The following ADGRL2 variants were observed in gnomAD, a reference collection of about 807,000 sequenced individuals.
The protein encoded by ADGRL2 is adhesion G protein-coupled receptor L2, also known as calcium-independent alpha-latrotoxin receptor 2.
A neutral mutation model predicts 157.4 loss-of-function variants in ADGRL2; 44 were observed. The observed-to-expected ratio is 0.28, with a 90% CI of 0.22 to 0.36. The LOEUF (loss-of-function observed/expected upper bound fraction) is 0.36, where lower values mean the gene tolerates loss of function less well. Ranked by LOEUF, ADGRL2 falls within the 10% of genes least tolerant of loss-of-function variation. ADGRL2 has a pLI of 1.00. For synonymous variants in ADGRL2, 585 were observed against 624.7 expected (o/e 0.94, Z 0.95); for missense variants, 1,510 against 1,768.9 (o/e 0.85, Z 2.63).
chr1:81,981,050 T>C, intron 18 of ADGRL2: 1 of 432,730 alleles, frequency 2.3e-6, no homozygotes, highest in South Asian at 3.5e-5. Context: ...AATATATAAA[T>C]GCTTTCTTAT....
chr1:81,835,707 C>T (rs892825719), intron 1 of ADGRL2, among the ~76,000 whole-genome samples: 7 of 151,996 alleles, frequency 4.6e-5, no homozygotes, highest in African/African-American at 1.7e-4. Flanking sequence ...CCTCCCTCTC[C>T]CCTGTGTCTT....
At chr1:81,419,747 C>T (rs189068365) in intron 1 of ADGRL2, among the ~76,000 whole-genome samples, 107 of 152,238 alleles carry the variant, frequency 7.0e-4, no homozygotes, top group African/African-American at 2.5e-3. Context: ...AGAAGTCTGA[C>T]CCTGGCTTTG....
chr1:81,668,881 T>C (rs184339974), intron 3 of ADGRL2, among the ~76,000 whole-genome samples: 166 of 152,196 alleles, frequency 1.1e-3, no homozygotes, highest in African/African-American at 3.8e-3. Flanking sequence ...ACCTGCTTGT[T>C]TTAACTAAGA....
At chr1:81,553,770 C>G (rs925118793) in intron 2 of ADGRL2, among the ~76,000 whole-genome samples, 6 of 152,184 alleles carry the variant, frequency 3.9e-5, no homozygotes, top group Admixed American at 3.9e-4. Context: ...ACTGTTATTA[C>G]AGTGGACTCT....
intron 2 of ADGRL2, among the ~76,000 whole-genome samples, chr1:81,561,622 G>A (rs576471040): frequency 1.6e-4 from 25 of 151,692 alleles, no homozygotes; most frequent in African/African-American, 5.3e-4. Context: ...CATCATGCCC[G>A]GCTAATTTTT....
At chr1:81,725,153 C>A (rs911882560) in intron 1 of ADGRL2, among the ~76,000 whole-genome samples, 1 of 132,278 alleles carries the variant, frequency 7.6e-6, no homozygotes. Context: ...TGCAGTGAGC[C>A]GAGACTGTGC....
intron 2 of ADGRL2, among the ~76,000 whole-genome samples, chr1:81,504,535 A>G (rs537885396): frequency 2.8e-4 from 43 of 152,258 alleles, no homozygotes; most frequent in African/African-American, 7.0e-4. Context: ...CAAAGAAATG[A>G]AAACAGATCA....
intron 1 of ADGRL2, among the ~76,000 whole-genome samples, chr1:81,364,703 CTT>C (rs746793170): frequency 1.4e-5 from 2 of 144,294 alleles, no homozygotes; most frequent in Admixed American, 7.0e-5. Context: ...GTAATTAATT[CTT>C]TTTTTTTTTT....
chr1:81,626,534 A>G (rs1282084721), intron 3 of ADGRL2, among the ~76,000 whole-genome samples: 2 of 152,190 alleles, frequency 1.3e-5, no homozygotes, highest in African/African-American at 2.4e-5. Context: ...TCGGCTTCCC[A>G]AAGTGCTGGG....
At chr1:81,880,357 C>T (rs2093953632) in intron 2 of ADGRL2, among the ~76,000 whole-genome samples, 1 of 152,126 alleles carries the variant, frequency 6.6e-6, no homozygotes, top group Admixed American at 6.5e-5. Context: ...TTAAGTCAGC[C>T]TTAAGTTCTT....
At chr1:81,704,433 A>G (rs562655887) in intron 1 of ADGRL2, among the ~76,000 whole-genome samples, 2 of 152,248 alleles carry the variant, frequency 1.3e-5, no homozygotes, top group South Asian at 2.1e-4. Context: ...ATGGTCTAAC[A>G]GGGGCGCTGA....
chr1:81,713,299 T>G (rs990555049), intron 1 of ADGRL2, among the ~76,000 whole-genome samples: 4 of 152,160 alleles, frequency 2.6e-5, no homozygotes, highest in Non-Finnish European at 4.4e-5. Flanking sequence ...GCCCAGTAAC[T>G]AGACCAAATG....
chr1:81,400,450 G>T (rs2076732491), intron 1 of ADGRL2, among the ~76,000 whole-genome samples: 1 of 152,122 alleles, frequency 6.6e-6, no homozygotes, highest in East Asian at 1.9e-4. Context: ...GATTGTAACT[G>T]TGATTTTACC....
chr1:81,390,987 C>T (rs1376466848), intron 1 of ADGRL2, among the ~76,000 whole-genome samples: 2 of 152,304 alleles, frequency 1.3e-5, no homozygotes, highest in Non-Finnish European at 2.9e-5. Context: ...AATTCAAATA[C>T]AAACACTCAT....
intron 2 of ADGRL2, among the ~76,000 whole-genome samples, chr1:81,473,437 T>C (rs943941822): frequency 2.6e-5 from 4 of 152,218 alleles, no homozygotes; most frequent in East Asian, 1.9e-4. Context: ...ATGTGAAATA[T>C]CTGATTAATA....
At chr1:81,674,278 C>T (rs2082937583) in intron 3 of ADGRL2, among the ~76,000 whole-genome samples, 2 of 151,980 alleles carry the variant, frequency 1.3e-5, no homozygotes, top group African/African-American at 2.4e-5. Flanking sequence ...TCTTTTAGAC[C>T]CAATTCTCTA....
chr1:81,356,946 C>T (rs554104297), intron 1 of ADGRL2, among the ~76,000 whole-genome samples: 53 of 9,892 alleles, frequency 5.4e-3, no homozygotes, highest in African/African-American at 8.3e-3. Context: ...AAATGAGACT[C>T]CGTCTCAAAA....
At chr1:81,887,593 G>A (rs534486778) in intron 2 of ADGRL2, among the ~76,000 whole-genome samples, 12 of 152,200 alleles carry the variant, frequency 7.9e-5, no homozygotes, top group East Asian at 3.9e-4. Flanking sequence ...AGGAAACACC[G>A]GGCTGCATGA....
intron 2 of ADGRL2, among the ~76,000 whole-genome samples, chr1:81,767,684 C>T (rs564712452): frequency 6.6e-6 from 1 of 151,852 alleles, no homozygotes; most frequent in Non-Finnish European, 1.5e-5. Context: ...TCAGCCTGGG[C>T]AACATGGTGA....
Sources: gnomAD v4.1 joint callset for allele counts (sites outside exome capture counted in the v4.1 genomes callset) on GRCh38, gnomAD v4.1.1 for gene constraint, MANE v1.5 for transcripts, NCBI Gene and HGNC (gene_info 2026-07-23, HGNC 2026-07-21) for gene names.